Variants in WASF2 observed in about 807,000 individuals in gnomAD.
The protein encoded by WASF2 is actin-binding protein WASF2.
A neutral mutation model predicts 45.0 loss-of-function variants in WASF2; 14 were observed. The observed-to-expected ratio is 0.31, with a 90% CI of 0.21 to 0.49. The LOEUF is 0.49. Among genes scored for constraint, WASF2 ranks in the 20% least tolerant of loss-of-function variants. The pLI, the probability that WASF2 is intolerant of heterozygous loss-of-function variation, is 0.99. For missense variants in WASF2, 439 were observed against 636.1 expected (o/e 0.69, Z 3.33); for synonymous variants, 200 against 236.3 (o/e 0.85, Z 1.41).
chr1:27,454,187 ATTTTTTTTTTTT>A (rs869057863), intron 1 of WASF2, among the ~76,000 whole-genome samples: 15 of 12,774 alleles, frequency 1.2e-3, no homozygotes, highest in African/African-American at 2.7e-3. Flanking sequence ...ATATATATAT[ATTTTTTTTTTTT>A]TTTTTTTTTT....
chr1:27,465,472 T>G (rs2017601763), intron 1 of WASF2, among the ~76,000 whole-genome samples: 1 of 152,162 alleles, frequency 6.6e-6, no homozygotes, highest in Admixed American at 6.6e-5. Flanking sequence ...AACAGCTGCA[T>G]CTAAAGAAAA....
At chr1:27,471,673 CA>C (rs1170624041) in intron 1 of WASF2, among the ~76,000 whole-genome samples, 1 of 150,826 alleles carries the variant, frequency 6.6e-6, no homozygotes, top group Non-Finnish European at 1.5e-5. Context: ...AATACAAAAG[CA>C]AAAAAAAGAG....
chr1:27,415,978 C>CGAA lies in WASF2; in HGVS notation c.537+6_537+7insTTC. ...GATGTGGAGAACAGAGGCCCCTTTC[C>CGAA]CCTCACCCTATGCTTTCTCTTCTCT... On this transcript the variant is annotated splice_region_variant and intron_variant, in intron 5 of 8. Transcript: ENST00000618852. The CGAA allele has an allele frequency of 6.2e-7, 1 of 1,610,676 alleles. No homozygotes were observed. The highest frequency in any genetic ancestry group is 8.5e-7 in the Non-Finnish European group (1 of 1,176,994).
Position 27,410,338 on chromosome 1 carries a change from A to C in WASF2, c.825-132T>G. Reference sequence around the variant, plus strand: ...TTTCACTTTCACTTAAACAGAAAGAAAAGCCTACAGATGGTCATAACAGAC... The same window carrying C: ...TTTCACTTTCACTTAAACAGAAAGACAAGCCTACAGATGGTCATAACAGAC... On this transcript the variant is annotated intron_variant, in intron 7 of 8. Transcript: ENST00000618852. This position sits in a 1 kb window ranked among gnomAD's most constrained non-coding sequence, Gnocchi z 4.2. 6.9e-7 allele frequency: 1 copy of C among 1,459,104 alleles called. No homozygotes were observed. The highest frequency in any genetic ancestry group is 2.5e-5 in the East Asian group (1 of 40,408). The allele number at this position is 1,459,104 out of a possible 1,614,324, so 90.4% of individuals were successfully genotyped here.
chr1:27,468,501 C>T (rs1455371130), intron 1 of WASF2, among the ~76,000 whole-genome samples: 4 of 148,984 alleles, frequency 2.7e-5, no homozygotes, highest in African/African-American at 7.4e-5. Context: ...ATTAGCTGGT[C>T]GTGGTGGCTA....
Position 27,409,887 on chromosome 1 carries a change from G to C in WASF2, c.1144C>G (p.Pro382Ala). ...GCTCCTCCTGTTGGCTGGGACAAGG[G>C]AGGTGGTGGCAGAGTTGGGTAGTCA... is the stretch of plus-strand genomic sequence containing the variant. ...AADYPTLPPP[P>A]LSQPTGGAPP... The change falls in exon 8 of 9, where the codon CCC becomes GCC. Residue 382 changes from proline (P) to alanine (A), a missense_variant. By Grantham distance (27) the Pro-to-Ala change is conservative. Coordinates refer to ENST00000618852, the MANE Select transcript of WASF2 (RefSeq NM_006990.5). The C allele has an allele frequency of 6.3e-7, 1 of 1,576,650 alleles. No individual in the cohort carries two copies. Among genetic ancestry groups the C allele is most frequent in the African/African-American group, 1.3e-5 (1 of 74,530 alleles).
chr1:27,421,958 AAATAAT>A (rs975871365), intron 2 of WASF2, among the ~76,000 whole-genome samples: 3 of 152,082 alleles, frequency 2.0e-5, no homozygotes, highest in African/African-American at 7.2e-5. Context: ...CCTATCTCAA[AAATAAT>A]AATAATAAAT....
chr1:27,425,968 A>C (rs1383940483), intron 2 of WASF2, among the ~76,000 whole-genome samples: 1 of 151,966 alleles, frequency 6.6e-6, no homozygotes, highest in Non-Finnish European at 1.5e-5. Flanking sequence ...GGGACCCGAG[A>C]TCTCGCCATT....
At chr1:27,488,722 A>G (rs1054699168) in intron 1 of WASF2, among the ~76,000 whole-genome samples, 2 of 152,180 alleles carry the variant, frequency 1.3e-5, no homozygotes, top group Non-Finnish European at 2.9e-5. Flanking sequence ...CAAATCACAT[A>G]TCTGAGGCCA....
At chr1:27,441,014 A>G (rs185986573) in intron 1 of WASF2, among the ~76,000 whole-genome samples, 16 of 151,782 alleles carry the variant, frequency 1.1e-4, no homozygotes, top group Non-Finnish European at 1.3e-4. Context: ...CCACAGGCAC[A>G]TGCCACCACG....
chr1:27,453,696 G>T (rs2017416800), intron 1 of WASF2, among the ~76,000 whole-genome samples: 1 of 151,526 alleles, frequency 6.6e-6, no homozygotes, highest in Non-Finnish European at 1.5e-5. Context: ...ATTAAGACCA[G>T]CCTGGCCAAC....
chr1:27,438,121 G>A (rs1214455231), intron 1 of WASF2, among the ~76,000 whole-genome samples: 1 of 152,208 alleles, frequency 6.6e-6, no homozygotes, highest in African/African-American at 2.4e-5. Flanking sequence ...GTACCTGGGA[G>A]GAAGCCAAAC....
chr1:27,488,059 C>A (rs748324771), intron 1 of WASF2, among the ~76,000 whole-genome samples: 1 of 151,684 alleles, frequency 6.6e-6, no homozygotes, highest in Non-Finnish European at 1.5e-5. Flanking sequence ...ACAGTTCTTT[C>A]CTTCCTTCCT....
At chr1:27,411,384 G>T (rs1192037567) in intron 7 of WASF2, among the ~76,000 whole-genome samples, 1 of 152,172 alleles carries the variant, frequency 6.6e-6, no homozygotes, top group Non-Finnish European at 1.5e-5. Flanking sequence ...CAAAATGGAC[G>T]AATTTGGAGT....
intron 1 of WASF2, among the ~76,000 whole-genome samples, chr1:27,456,831 G>A (rs999997941): frequency 1.3e-5 from 2 of 151,666 alleles, no homozygotes; most frequent in African/African-American, 2.4e-5. Flanking sequence ...CGCCTCACGG[G>A]TTCAAGTGAT....
At chr1:27,485,184 A>G (rs1180595873) in intron 1 of WASF2, among the ~76,000 whole-genome samples, 3 of 152,128 alleles carry the variant, frequency 2.0e-5, no homozygotes, top group Non-Finnish European at 4.4e-5. Context: ...GAATCTACAG[A>G]TCTGCATTTG....
intron 1 of WASF2, among the ~76,000 whole-genome samples, chr1:27,445,680 A>G (rs1356341660): frequency 6.6e-6 from 1 of 152,170 alleles, no homozygotes; most frequent in African/African-American, 2.4e-5. Flanking sequence ...CCAGCCTCAG[A>G]TAACATGTGC....
chr1:27,425,446 T>C (rs2016965503), intron 2 of WASF2, among the ~76,000 whole-genome samples: 1 of 151,378 alleles, frequency 6.6e-6, no homozygotes. Context: ...ATCACGCCTG[T>C]AATCCCAACA....
chr1:27,457,186 T>C (rs1181363990), intron 1 of WASF2: 2 of 152,302 alleles, frequency 1.3e-5, no homozygotes, highest in Admixed American at 6.5e-5. Context: ...CCAGGTTTTC[T>C]ATTTTTTTCT....
Sources: allele counts gnomAD v4.1 joint callset (sites outside exome capture counted in the v4.1 genomes callset), GRCh38; gene constraint gnomAD v4.1.1; non-coding constraint Gnocchi (gnomAD v3.1); transcripts MANE v1.5; gene names NCBI Gene and HGNC (gene_info 2026-07-23, HGNC 2026-07-21).